The following RNLS variants were observed in gnomAD, a reference collection of about 807,000 sequenced individuals.
RNLS encodes renalase, FAD dependent amine oxidase, also known as renalase.
In RNLS, 39 loss-of-function variants were observed where a neutral mutation model predicts 39.8. The observed-to-expected ratio is 0.98, with a 90% CI of 0.76 to 1.28. The LOEUF (loss-of-function observed/expected upper bound fraction) is 1.28, where lower values mean the gene tolerates loss of function less well. RNLS is among the 50% of genes most tolerant of loss of function. RNLS has a pLI of 0.00. For missense variants in RNLS, 410 were observed against 413.3 expected, an observed-to-expected ratio of 0.99 and a Z score of 0.07; for synonymous variants, 147 against 150.7, an observed-to-expected ratio of 0.98 and a Z score of 0.18.
At chr10:88,510,730 C>T (rs1846070474) in intron 4 of RNLS, among the ~76,000 whole-genome samples, 1 of 151,282 alleles carries the variant, frequency 6.6e-6, no homozygotes, top group African/African-American at 2.4e-5. Flanking sequence ...TGTAATACAC[C>T]CAGCTACTCA....
chr10:88,231,482 G>T, the RNLS span, among the ~76,000 whole-genome samples: 1 of 152,264 alleles, frequency 6.6e-6, no homozygotes, highest in South Asian at 2.1e-4. Flanking sequence ...GGCAGTCCTT[G>T]GAAACGTATA....
At chr10:88,385,135 T>G (rs1393288514) in intron 4 of RNLS, among the ~76,000 whole-genome samples, 1 of 152,218 alleles carries the variant, frequency 6.6e-6, no homozygotes, top group Non-Finnish European at 1.5e-5. Context: ...CTCATTTCCT[T>G]GGATTAGCCT....
chr10:88,371,538 C>A (rs972103044), intron 4 of RNLS, among the ~76,000 whole-genome samples: 21 of 152,008 alleles, frequency 1.4e-4, no homozygotes, highest in African/African-American at 5.1e-4. Context: ...TTGTGGAATT[C>A]TTTGGTTATC....
At chr10:88,381,284 C>A (rs899917098) in intron 4 of RNLS, among the ~76,000 whole-genome samples, 1 of 152,050 alleles carries the variant, frequency 6.6e-6, no homozygotes, top group Non-Finnish European at 1.5e-5. Flanking sequence ...CCCCATATAT[C>A]CAGGTCATTT....
At chr10:88,417,085 T>C (rs537179426) in intron 4 of RNLS, among the ~76,000 whole-genome samples, 34 of 152,254 alleles carry the variant, frequency 2.2e-4, no homozygotes, top group Non-Finnish European at 4.4e-4. Flanking sequence ...CTGGCCTTCC[T>C]AGACTTTATG....
Position 88,456,624 on chromosome 10 carries a change from T to A in RNLS, c.527-93899A>T, listed in dbSNP as rs565366483. Among the ~76,000 whole-genome samples the A allele has an allele frequency of 2.6e-5, 4 of 152,188 alleles. No individual in the cohort carries two copies. In the South Asian group the frequency reaches 8.3e-4, roughly 32 times the overall value. ...ACTATACAACTCAAAGGGTAGCATTTATACAGAATGGGCAACATACAGCAA... is the reference window on the plus strand; with the variant it reads ...ACTATACAACTCAAAGGGTAGCATTAATACAGAATGGGCAACATACAGCAA... On this transcript the variant is annotated intron_variant, in intron 4 of 6. Coordinates refer to ENST00000331772, the MANE Select transcript of RNLS (RefSeq NM_001031709.3).
intron 4 of RNLS, among the ~76,000 whole-genome samples, chr10:88,446,018 T>G (rs146801025): frequency 0.17 from 25,113 of 152,194 alleles, 2,747 homozygotes; most frequent in Non-Finnish European, 0.25. Context: ...TACATTCTTC[T>G]CAGCACCACA....
At chr10:88,484,949 T>A (rs1293019797) in intron 4 of RNLS, among the ~76,000 whole-genome samples, 1 of 152,002 alleles carries the variant, frequency 6.6e-6, no homozygotes, top group Admixed American at 6.6e-5. Flanking sequence ...TGTATATATC[T>A]CATATATTTT....
intron 4 of RNLS, among the ~76,000 whole-genome samples, chr10:88,380,729 T>G (rs920160930): frequency 5.9e-5 from 9 of 152,122 alleles, no homozygotes; most frequent in Non-Finnish European, 1.0e-4. Flanking sequence ...TTGAAGAATA[T>G]AAAAATATCC....
intron 4 of RNLS, among the ~76,000 whole-genome samples, chr10:88,502,026 C>T (rs1420165453): frequency 6.6e-6 from 1 of 152,064 alleles, no homozygotes; most frequent in Non-Finnish European, 1.5e-5. Flanking sequence ...AGGAACATCA[C>T]ATTCATCTTT....
chr10:88,220,402 T>A, the RNLS span, among the ~76,000 whole-genome samples: 10 of 152,208 alleles, frequency 6.6e-5, no homozygotes, highest in Non-Finnish European at 8.8e-5. Context: ...TCCCTGGCAC[T>A]TCGGTCTCAT....
chr10:88,552,494 T>C (rs1848648234), intron 4 of RNLS, among the ~76,000 whole-genome samples: 1 of 152,202 alleles, frequency 6.6e-6, no homozygotes, highest in Admixed American at 6.5e-5. Context: ...TCACATTTGC[T>C]CTAAGCAAAG....
chr10:88,349,695 A>T lies in RNLS; in HGVS notation c.700+12857T>A, dbSNP rs1186962404. Among the ~76,000 whole-genome samples the T allele has an allele frequency of 4.9e-4, 74 of 151,972 alleles. 2 individuals carry two copies. The East Asian group carries it at 0.014, about 29-fold the overall frequency. ...TTAATTTAAATAACAAAAAATATTT[A>T]TTTTTACGTATGTATATATGTGTAT... On this transcript the variant is annotated intron_variant, in intron 5 of 6. Transcript: ENST00000331772.
intron 4 of RNLS, among the ~76,000 whole-genome samples, chr10:88,384,812 G>A (rs1194176292): frequency 6.6e-6 from 1 of 152,144 alleles, no homozygotes; most frequent in African/African-American, 2.4e-5. Context: ...CGTTTGTTAA[G>A]GAAAAGAACC....
intron 4 of RNLS, among the ~76,000 whole-genome samples, chr10:88,380,766 C>A (rs1461807618): frequency 2.0e-5 from 3 of 152,036 alleles, no homozygotes; most frequent in Non-Finnish European, 4.4e-5. Context: ...ACTTTTATAC[C>A]TTTTCTTATT....
chr10:88,362,653 T>C lies in RNLS; in HGVS notation c.599A>G (p.Tyr200Cys), dbSNP rs1444234935. The C allele has an allele frequency of 6.2e-7, 1 of 1,613,924 alleles. No individual in the cohort carries two copies. The highest frequency in any genetic ancestry group is 1.1e-5 in the South Asian group (1 of 91,074). Reference sequence around the variant, plus strand: ...GACATCAATCTTCGTACCAGCTTCATAAAAGAGGCCCAGAGCATATCGAGA... The same window carrying C: ...GACATCAATCTTCGTACCAGCTTCACAAAAGAGGCCCAGAGCATATCGAGA... ...YSSRYALGLF[Y>C]EAGTKIDVPW... The change falls in exon 5 of 7, where the codon TAT becomes TGT. Residue 200 changes from tyrosine to cysteine, a missense_variant. Coordinates refer to ENST00000331772, the MANE Select transcript of RNLS (RefSeq NM_001031709.3).
intron 4 of RNLS, among the ~76,000 whole-genome samples, chr10:88,471,256 G>A (rs919433995): frequency 8.6e-5 from 6 of 69,644 alleles, no homozygotes; most frequent in African/African-American, 3.7e-4. Flanking sequence ...ATAGATAACT[G>A]AATTATTTCC....
intron 4 of RNLS, among the ~76,000 whole-genome samples, chr10:88,524,204 C>G (rs933495499): frequency 1.3e-5 from 2 of 152,072 alleles, no homozygotes; most frequent in Non-Finnish European, 2.9e-5. Context: ...CTTCCTGGGC[C>G]CTGCTTGTCT....
At chr10:88,399,852 T>C (rs1341461997) in intron 4 of RNLS, among the ~76,000 whole-genome samples, 1 of 152,000 alleles carries the variant, frequency 6.6e-6, no homozygotes, top group African/African-American at 2.4e-5. Flanking sequence ...AGTTCTGGAG[T>C]CTATAAGTCA....
Sources: allele counts gnomAD v4.1 joint callset (sites outside exome capture counted in the v4.1 genomes callset), GRCh38; gene constraint gnomAD v4.1.1; transcripts MANE v1.5; gene names NCBI Gene and HGNC (gene_info 2026-07-23, HGNC 2026-07-21).